The following NRCAM variants were observed in gnomAD, a reference collection of about 807,000 sequenced individuals.
NRCAM encodes the protein neuronal cell adhesion molecule.
Under a neutral mutation model 156.5 loss-of-function variants are expected in NRCAM, and 83 were observed. The observed-to-expected ratio is 0.53, with a 90% CI of 0.44 to 0.64. The LOEUF (loss-of-function observed/expected upper bound fraction) is 0.64, where lower values mean the gene tolerates loss of function less well. Among genes scored for constraint, NRCAM ranks in the 30% least tolerant of loss-of-function variants. NRCAM has a pLI of 0.00. For synonymous variants in NRCAM, 538 were observed against 563.9 expected (o/e 0.95, Z 0.65); for missense variants, 1,417 against 1,597.3 (o/e 0.89, Z 1.92).
chr7:108,408,698 A>C (rs538658451), intron 1 of NRCAM, among the ~76,000 whole-genome samples: 1 of 152,374 alleles, frequency 6.6e-6, no homozygotes, highest in East Asian at 1.9e-4. Context: ...GAAACTTTGA[A>C]CATAATTAGT....
chr7:108,163,289 C>T (rs147961152), intron 30 of NRCAM, among the ~76,000 whole-genome samples: 13 of 152,248 alleles, frequency 8.5e-5, no homozygotes, highest in Admixed American at 2.6e-4. Flanking sequence ...TGGAAGTCAG[C>T]TTTACAACAG....
In NRCAM at chr7:108,182,787, G is replaced by T. The variant is rs2153347561; in HGVS notation, c.2438C>A (p.Thr813Asn). 2.5e-6 allele frequency: 4 copies of T among 1,614,222 alleles called. No individual in the cohort carries two copies. The highest frequency in any genetic ancestry group is 1.7e-5 in the Admixed American group (1 of 60,028). Residue 813 changes from threonine to asparagine, a missense_variant, in exon 23 of 33, where the codon ACC becomes AAC. Thr to Asn is a moderately conservative substitution (Grantham distance 65). This residue lies in a region of NRCAM where 1,238 missense variants were observed against 1,336.4 expected (regional missense o/e 0.93). Coordinates refer to ENST00000379028, the MANE Select transcript of NRCAM (RefSeq NM_001037132.4). ...AACTTTGATCAGGTATGGAACAAAG[G>T]TTGGCGTGCCTGAGACAATATATTT... ...VSKYIVSGTP[T>N]FVPYLIKVQA...
chr7:108,223,696 G>T, intron 11 of NRCAM, 29 bp downstream of exon 11: 1 of 1,092,834 alleles, frequency 9.2e-7, no homozygotes, highest in Non-Finnish European at 1.4e-6. Context: ...TATAAGAAAT[G>T]TACTTCAGGA....
intron 3 of NRCAM, among the ~76,000 whole-genome samples, chr7:108,297,531 G>C (rs1449886308): frequency 2.6e-5 from 4 of 152,124 alleles, no homozygotes; most frequent in Non-Finnish European, 2.9e-5. Context: ...TGTTTCATAA[G>C]TCATCATTCA....
intron 32 of NRCAM, chr7:108,150,749 A>G (rs1417149694): frequency 1.9e-6 from 1 of 532,788 alleles, no homozygotes; most frequent in South Asian, 1.4e-5. Flanking sequence ...ACAAATGAAA[A>G]CAGCCTAAGA....
intron 17 of NRCAM, among the ~76,000 whole-genome samples, chr7:108,192,806 G>C (rs572912872): frequency 6.6e-6 from 1 of 152,166 alleles, no homozygotes; most frequent in African/African-American, 2.4e-5. Flanking sequence ...ATAATAATTT[G>C]CTTTATCACT....
In NRCAM at chr7:108,149,112, G is replaced by A. The variant is rs1231134524; in HGVS notation, c.*798C>T. ...CTTGCCCTGTGTTCTCTGAAATAATGTTTGAAATTTAATTTGGATGATTTG... is the reference window on the plus strand; with the variant it reads ...CTTGCCCTGTGTTCTCTGAAATAATATTTGAAATTTAATTTGGATGATTTG... On this transcript the variant is annotated 3_prime_UTR_variant, in exon 33 of 33. Transcript: ENST00000379028. The A allele has an allele frequency of 1.3e-5, 2 of 152,608 alleles. No individual in the cohort carries two copies. The allele number at this position is 152,608 out of a possible 1,614,324, so 9.5% of individuals were successfully genotyped here. A position where few individuals can be genotyped will look rare whatever the true frequency, so the allele number is the denominator to read the frequency against.
intron 2 of NRCAM, among the ~76,000 whole-genome samples, chr7:108,374,801 C>T (rs1482158240): frequency 6.6e-6 from 1 of 151,982 alleles, no homozygotes. Context: ...TATGCGTAGG[C>T]TCATGATCAA....
chr7:108,149,859 G>A lies in NRCAM; in HGVS notation c.*51C>T, dbSNP rs1226025941. ...AGTATGAGAGGGCTGACAAACAAGT[G>A]CTTAGGATAAACATTCTAGAGAAAT... On this transcript the variant is annotated 3_prime_UTR_variant, in exon 33 of 33. Transcript: ENST00000379028. 6.9e-7 allele frequency: 1 copy of A among 1,456,878 alleles called. No homozygotes were observed. 90.2% of individuals were successfully genotyped at this position (1,456,878 alleles called of 1,614,324 possible). A position where few individuals can be genotyped will look rare whatever the true frequency, so the allele number is the denominator to read the frequency against.
At chr7:108,257,121 GAGAA>G (rs2096713673) in intron 3 of NRCAM, among the ~76,000 whole-genome samples, 2 of 150,484 alleles carry the variant, frequency 1.3e-5, no homozygotes, top group Admixed American at 6.6e-5. Context: ...AAGAAAAGAA[GAGAA>G]AGGAAGGAAG....
chr7:108,368,468 A>G (rs963492856), intron 2 of NRCAM, among the ~76,000 whole-genome samples: 2 of 152,094 alleles, frequency 1.3e-5, no homozygotes, highest in Admixed American at 6.6e-5. Flanking sequence ...GAAAAAGAGG[A>G]AAGATTTTAG....
At chr7:108,269,932 T>G (rs1308526035) in intron 3 of NRCAM, among the ~76,000 whole-genome samples, 1 of 152,222 alleles carries the variant, frequency 6.6e-6, no homozygotes, top group East Asian at 1.9e-4. Context: ...CAAAGCTTCC[T>G]TAGACAGTAA....
chr7:108,310,429 A>C (rs901109410), intron 3 of NRCAM, among the ~76,000 whole-genome samples: 5 of 152,192 alleles, frequency 3.3e-5, no homozygotes, highest in African/African-American at 1.2e-4. Flanking sequence ...AAACGTGAGC[A>C]GTTTTTATGT....
At chr7:108,283,297 T>C (rs937354871) in intron 3 of NRCAM, among the ~76,000 whole-genome samples, 2 of 152,214 alleles carry the variant, frequency 1.3e-5, no homozygotes, top group African/African-American at 4.8e-5. Context: ...ATATGATTTG[T>C]GTGCTTTGCA....
At chr7:108,166,456 C>G (rs1223117410) in intron 30 of NRCAM, among the ~76,000 whole-genome samples, 2 of 151,982 alleles carry the variant, frequency 1.3e-5, no homozygotes, top group Non-Finnish European at 2.9e-5. Flanking sequence ...TCATGTTGGC[C>G]AGGCTGGTCT....
chr7:108,149,846 C>A lies in NRCAM; in HGVS notation c.*64G>T. 7.5e-7 allele frequency: 1 copy of A among 1,324,696 alleles called. No individual in the cohort carries two copies. Among genetic ancestry groups the A allele is most frequent in the Non-Finnish European group, 1.1e-6 (1 of 945,008 alleles). 82.1% of individuals were successfully genotyped at this position (1,324,696 alleles called of 1,614,324 possible). On this transcript the variant is annotated 3_prime_UTR_variant, in exon 33 of 33. Transcript: ENST00000379028. ...CCCATATGTTCATAGTATGAGAGGG[C>A]TGACAAACAAGTGCTTAGGATAAAC...
At chr7:108,390,537 T>G (rs187625378) in intron 2 of NRCAM, among the ~76,000 whole-genome samples, 3 of 152,194 alleles carry the variant, frequency 2.0e-5, no homozygotes, top group African/African-American at 7.2e-5. Context: ...CTGGATGCAT[T>G]GATTTTTTGA....
intron 32 of NRCAM, among the ~76,000 whole-genome samples, chr7:108,154,901 G>GTC (rs1170593899): frequency 6.6e-6 from 1 of 151,882 alleles, no homozygotes; most frequent in Admixed American, 6.6e-5. Context: ...GTAGTGAGTG[G>GTC]TTATGACTCT....
chr7:108,278,591 T>C (rs1028331817), intron 3 of NRCAM, among the ~76,000 whole-genome samples: 1 of 152,240 alleles, frequency 6.6e-6, no homozygotes, highest in African/African-American at 2.4e-5. Context: ...TCTGGTCTGC[T>C]GGTTGTGAAG....
Sources: gnomAD v4.1 joint callset for allele counts (sites outside exome capture counted in the v4.1 genomes callset) on GRCh38, gnomAD v4.1.1 for gene constraint, gnomAD v4.1.1 regional missense constraint, MANE v1.5 for transcripts, NCBI Gene and HGNC (gene_info 2026-07-23, HGNC 2026-07-21) for gene names.